Variants in TRIM55 observed in about 807,000 individuals in gnomAD.
The protein encoded by TRIM55 is tripartite motif-containing protein 55.
Under a neutral mutation model 60.9 loss-of-function variants are expected in TRIM55, and 50 were observed. The observed-to-expected ratio is 0.82, with a 90% CI of 0.65 to 1.04. The LOEUF (loss-of-function observed/expected upper bound fraction) is 1.04, where lower values mean the gene tolerates loss of function less well. Among genes scored for constraint, TRIM55 ranks in the 50% least tolerant of loss-of-function variants. TRIM55 has a pLI of 0.00. For synonymous variants in TRIM55, 237 were observed against 238.1 expected, an observed-to-expected ratio of 1.00 and a Z score of 0.04; for missense variants, 681 against 666.9, an observed-to-expected ratio of 1.02 and a Z score of -0.23.
chr8:66,116,694 C>G, the TRIM55 span, among the ~76,000 whole-genome samples: 1 of 70,048 alleles, frequency 1.4e-5, no homozygotes, highest in East Asian at 4.2e-4. Flanking sequence ...AAGAGAACAC[C>G]AGCCCCTGAG....
intron 4 of TRIM55, among the ~76,000 whole-genome samples, 157 bp from the exon 5 acceptor site, chr8:66,149,488 C>T (rs1810283823): frequency 6.6e-6 from 1 of 152,026 alleles, no homozygotes; most frequent in South Asian, 2.1e-4. Context: ...TCCAAAGCAC[C>T]AACATAGTGG....
chr8:66,161,786 A>G (rs1811067629), intron 9 of TRIM55, among the ~76,000 whole-genome samples: 1 of 148,980 alleles, frequency 6.7e-6, no homozygotes, highest in South Asian at 2.1e-4. Context: ...GTATTGTGAA[A>G]GGGGTTTGAG....
intron 4 of TRIM55, among the ~76,000 whole-genome samples, chr8:66,144,185 G>T (rs1809979531): frequency 6.6e-6 from 1 of 152,088 alleles, no homozygotes; most frequent in Admixed American, 6.5e-5. Context: ...TCACTTCTAA[G>T]GAAACAACCA....
In TRIM55 at chr8:66,141,087, CT is replaced by C. The variant is rs541280650; in HGVS notation, c.603+3898del. 3.7e-3 allele frequency among the ~76,000 whole-genome samples: 571 copies of C among 152,292 alleles called. 3 individuals carry two copies. Among genetic ancestry groups the C allele is most frequent in the Non-Finnish European group, 4.1e-3 (277 of 68,020 alleles). On this transcript the variant is annotated intron_variant, in intron 4 of 9. Coordinates refer to ENST00000315962, the MANE Select transcript of TRIM55 (RefSeq NM_184085.2). ...TCATGTAATGTCACACAGGACTGGC[CT>C]GGGGAGGCACCTGTCCCAAGACCAG...
At chr8:66,145,767 A>G (rs1188688099) in intron 4 of TRIM55, among the ~76,000 whole-genome samples, 1 of 152,158 alleles carries the variant, frequency 6.6e-6, no homozygotes, top group Non-Finnish European at 1.5e-5. Context: ...TTGGCCTCCC[A>G]AAGTGCTAGG....
At chr8:66,124,812 G>A (rs759552144), upstream of TRIM55, among the ~76,000 whole-genome samples, 4 of 152,150 alleles carry the variant, frequency 2.6e-5, no homozygotes, top group Non-Finnish European at 5.9e-5. Context: ...CCCTAAAACA[G>A]TTTTGTTGAA....
At chr8:66,140,364 A>T (rs909469102) in intron 4 of TRIM55, among the ~76,000 whole-genome samples, 35 of 152,378 alleles carry the variant, frequency 2.3e-4, no homozygotes, top group Non-Finnish European at 4.4e-5. Context: ...TTATAAAGTA[A>T]GTCTGACATT....
intron 9 of TRIM55, among the ~76,000 whole-genome samples, chr8:66,156,943 G>A (rs912569870): frequency 1.2e-4 from 18 of 152,196 alleles, no homozygotes; most frequent in African/African-American, 4.1e-4. Flanking sequence ...AAAAGGAGTG[G>A]GAGGATGTAT....
intron 7 of TRIM55, 28 bp downstream of exon 7, chr8:66,150,494 G>T: frequency 6.2e-7 from 1 of 1,612,730 alleles, no homozygotes; most frequent in African/African-American, 1.3e-5. Flanking sequence ...CCATTTGGCC[G>T]AAGTTGCAGG....
chr8:66,167,705 C>G (rs1449003527), intron 9 of TRIM55, among the ~76,000 whole-genome samples: 1 of 152,168 alleles, frequency 6.6e-6, no homozygotes, highest in Non-Finnish European at 1.5e-5. Context: ...CCACACACCC[C>G]CTTAATCACT....
intron 9 of TRIM55, among the ~76,000 whole-genome samples, 151 bp from the exon 10 acceptor site, chr8:66,174,314 CTTTCTA>C (rs1811801799): frequency 6.6e-6 from 1 of 151,750 alleles, no homozygotes; most frequent in Non-Finnish European, 1.5e-5. Flanking sequence ...TCTGAGCTTG[CTTTCTA>C]TTTCTAATAA....
chr8:66,162,164 T>C (rs1212371811), intron 9 of TRIM55, among the ~76,000 whole-genome samples: 3 of 152,098 alleles, frequency 2.0e-5, no homozygotes, highest in Non-Finnish European at 4.4e-5. Context: ...TTGTTGTAAA[T>C]GGTTTTTTAT....
chr8:66,143,508 C>T (rs1809938216), intron 4 of TRIM55, among the ~76,000 whole-genome samples: 1 of 151,988 alleles, frequency 6.6e-6, no homozygotes, highest in Non-Finnish European at 1.5e-5. Context: ...TACAAACATA[C>T]TAACAACTGT....
chr8:66,160,206 T>C (rs1182915407), intron 9 of TRIM55, among the ~76,000 whole-genome samples: 1 of 152,172 alleles, frequency 6.6e-6, no homozygotes, highest in African/African-American at 2.4e-5. Context: ...TTTGCATCCT[T>C]ATAGCTTAGC....
the TRIM55 span, among the ~76,000 whole-genome samples, chr8:66,117,447 AT>A: frequency 6.6e-6 from 1 of 152,176 alleles, no homozygotes; most frequent in Non-Finnish European, 1.5e-5. Flanking sequence ...TTATTTTTAG[AT>A]TTTTTAAATG....
chr8:66,150,138 C>G, intron 5 of TRIM55, 79 bp from the exon 6 acceptor site: 1 of 1,514,706 alleles, frequency 6.6e-7, no homozygotes, highest in Admixed American at 1.9e-5. Context: ...TTCTCAGAGT[C>G]AACAAAGGAA....
rs1310587218 is a variant in TRIM55, at chr8:66,150,231, G to T, written c.852G>T (p.Leu284=). The change falls in exon 6 of 10, where the codon CTG becomes CTT. Residue 284 remains leucine, a synonymous_variant. Transcript: ENST00000315962. ...MAVFLQNAKT[L]LKKISEASKA... is the part of the protein sequence containing the mutation. ...TGCTTTCACAGAATGCCAAAACCCT[G>T]CTAAAAAAGTAAGAACTTTTTATTT... 6.2e-7 allele frequency: 1 copy of T among 1,613,016 alleles called. No homozygotes were observed. Among genetic ancestry groups the T allele is most frequent in the South Asian group, 1.1e-5 (1 of 90,796 alleles).
At chr8:66,144,833 T>C (rs976044721) in intron 4 of TRIM55, among the ~76,000 whole-genome samples, 3 of 152,232 alleles carry the variant, frequency 2.0e-5, no homozygotes, top group Non-Finnish European at 2.9e-5. Flanking sequence ...ATCATGCTTT[T>C]GTAGGTAACA....
At chr8:66,167,949 C>G (rs1811415450) in intron 9 of TRIM55, among the ~76,000 whole-genome samples, 1 of 152,002 alleles carries the variant, frequency 6.6e-6, no homozygotes, top group East Asian at 1.9e-4. Flanking sequence ...GGGGTCATGC[C>G]ATATTGCCCA....
Sources: allele counts gnomAD v4.1 joint callset (sites outside exome capture counted in the v4.1 genomes callset), GRCh38; gene constraint gnomAD v4.1.1; transcripts MANE v1.5; gene names NCBI Gene and HGNC (gene_info 2026-07-23, HGNC 2026-07-21).